The following EPB41L4A variants were observed in gnomAD, a reference collection of about 807,000 sequenced individuals.
The protein encoded by EPB41L4A is band 4.1-like protein 4A.
Under a neutral mutation model 108.6 loss-of-function variants are expected in EPB41L4A, and 100 were observed. That is an observed-to-expected ratio of 0.92 (90% CI 0.78 to 1.09). The LOEUF is 1.09. EPB41L4A is among the 50% of genes least tolerant of loss of function. The pLI, the probability that EPB41L4A is intolerant of heterozygous loss-of-function variation, is 0.00. For missense variants in EPB41L4A, 1,030 were observed against 842.7 expected, an observed-to-expected ratio of 1.22 and a Z score of -2.75; for synonymous variants, 319 against 289.0, an observed-to-expected ratio of 1.10 and a Z score of -1.05.
At position 112,243,857 on chromosome 5, in the gene EPB41L4A, A is replaced by C. The variant is rs77738375; in HGVS notation, c.796-3047T>G. On this transcript the variant is annotated intron_variant, in intron 9 of 22. Coordinates refer to ENST00000261486, the MANE Select transcript of EPB41L4A (RefSeq NM_022140.5). ...AGACTTTGGTTTAAGGAAATGCTGC[A>C]GCTTGTTGGATCTTCTATCCAGACC... Among the ~76,000 whole-genome samples, 2,111 of 152,342 alleles carry C rather than the reference A, an allele frequency of 0.014. 228 individuals carry two copies. The East Asian group carries it at 0.27, about 19-fold the overall frequency.
At chr5:112,233,159 T>C (rs1280396337) in intron 12 of EPB41L4A, among the ~76,000 whole-genome samples, 1 of 152,130 alleles carries the variant, frequency 6.6e-6, no homozygotes. Flanking sequence ...CTGTATATAA[T>C]GTTGGCAGGA....
intron 2 of EPB41L4A, among the ~76,000 whole-genome samples, chr5:112,301,472 T>G (rs1216899185): frequency 6.6e-6 from 1 of 152,064 alleles, no homozygotes; most frequent in Non-Finnish European, 1.5e-5. Flanking sequence ...GTACTAGGGG[T>G]TGTCTGCACA....
intron 12 of EPB41L4A, among the ~76,000 whole-genome samples, chr5:112,211,497 G>A (rs1050720229): frequency 6.6e-6 from 1 of 151,978 alleles, no homozygotes; most frequent in Non-Finnish European, 1.5e-5. Context: ...CAGGAGAATT[G>A]CTTGAACTGG....
Position 112,240,730 on chromosome 5 carries a change from A to G in EPB41L4A, c.876T>C (p.His292=). Residue 292 remains histidine (H), a synonymous_variant, in exon 10 of 23, where the codon CAT becomes CAC. Coordinates refer to ENST00000261486, the MANE Select transcript of EPB41L4A (RefSeq NM_022140.5). ...KHLWKCSVEH[H]TFFRMPENES... is the part of the protein sequence containing the mutation. ...TTACATCAATTTACCTAAAAAATGT[A>G]TGATGTTCCACACTGCACTTCCAGA... is the stretch of plus-strand genomic sequence containing the variant. 6.5e-7 allele frequency: 1 copy of G among 1,543,856 alleles called. No individual in the cohort carries two copies. The highest frequency in any genetic ancestry group is 1.4e-5 in the African/African-American group (1 of 70,570).
chr5:112,410,456 GC>G (rs1303360247), intron 1 of EPB41L4A, among the ~76,000 whole-genome samples: 2 of 152,236 alleles, frequency 1.3e-5, no homozygotes, highest in Admixed American at 6.5e-5. Context: ...ACTGAGAAGG[GC>G]CTGAAGTGCA....
downstream of EPB41L4A, chr5:112,161,558 CA>C (rs1308091185): frequency 1.9e-6 from 1 of 519,234 alleles, no homozygotes; most frequent in East Asian, 5.4e-5. Context: ...AAACGCTTTG[CA>C]GCCTTTTCCT....
intron 13 of EPB41L4A, among the ~76,000 whole-genome samples, chr5:112,208,670 A>G (rs999079837): frequency 3.9e-5 from 6 of 152,212 alleles, no homozygotes; most frequent in African/African-American, 1.4e-4. Flanking sequence ...CCTCAGTGAT[A>G]AACAATTTAC....
chr5:112,186,260 C>A (rs1761423245), intron 17 of EPB41L4A, among the ~76,000 whole-genome samples: 1 of 152,162 alleles, frequency 6.6e-6, no homozygotes, highest in African/African-American at 2.4e-5. Flanking sequence ...AAGCTGAGGC[C>A]TAACTTGGGC....
chr5:112,167,529 C>A (rs1050467241), intron 22 of EPB41L4A, among the ~76,000 whole-genome samples: 1 of 152,116 alleles, frequency 6.6e-6, no homozygotes, highest in African/African-American at 2.4e-5. Flanking sequence ...TCCCCAGGAA[C>A]TGCCCTCAGT....
rs562756943 is a variant in EPB41L4A, at chr5:112,361,028, A to G, written c.100-53538T>C. Among the ~76,000 whole-genome samples the G allele has an allele frequency of 1.2e-3, 176 of 152,352 alleles. 1 individual carries two copies. The highest frequency in any genetic ancestry group is 4.0e-3 in the African/African-American group (167 of 41,578). On this transcript the variant is annotated intron_variant, in intron 1 of 22. Transcript: ENST00000261486. ...GCCCTGTCTGAGAGGTGTACCCAAC[A>G]GCTCATTGAGAACGGGCCATGATGA...
intron 12 of EPB41L4A, among the ~76,000 whole-genome samples, chr5:112,229,837 A>G (rs1449864679): frequency 6.6e-6 from 1 of 151,912 alleles, no homozygotes; most frequent in Non-Finnish European, 1.5e-5. Context: ...AAATACAAAA[A>G]GTTAGCCAGG....
At chr5:112,284,998 T>C (rs1753193844) in intron 2 of EPB41L4A, among the ~76,000 whole-genome samples, 2 of 152,194 alleles carry the variant, frequency 1.3e-5, no homozygotes, top group African/African-American at 4.8e-5. Context: ...CTTCAAAAGA[T>C]ATATATTAAA....
intron 22 of EPB41L4A, among the ~76,000 whole-genome samples, chr5:112,166,627 C>T (rs1760265886): frequency 6.6e-6 from 1 of 152,214 alleles, no homozygotes; most frequent in South Asian, 2.1e-4. Flanking sequence ...TTTGTTGCTT[C>T]TCTAGCTCAG....
intron 7 of EPB41L4A, among the ~76,000 whole-genome samples, chr5:112,260,376 G>A (rs1306793417): frequency 6.6e-6 from 1 of 152,186 alleles, no homozygotes; most frequent in African/African-American, 2.4e-5. Context: ...TAATGAAGAG[G>A]CCAAAGTAGC....
At position 112,206,517 on chromosome 5, in the gene EPB41L4A, G is replaced by A. The variant is rs187553630; in HGVS notation, c.1179-1013C>T. Among the ~76,000 whole-genome samples, 230 of 152,212 alleles carry A rather than the reference G, an allele frequency of 1.5e-3. 1 individual carries two copies. The highest frequency in any genetic ancestry group is 2.8e-3 in the Non-Finnish European group (193 of 68,018). On this transcript the variant is annotated intron_variant, in intron 13 of 22. Transcript: ENST00000261486. ...TTTATAAAGGCTAAAAACCTCTACA[G>A]ATTCAATTCCCAAAGTAAAAGCTTA... is the stretch of plus-strand genomic sequence containing the variant.
At chr5:112,159,287 A>T (rs1759763568), downstream of EPB41L4A, among the ~76,000 whole-genome samples, 1 of 152,016 alleles carries the variant, frequency 6.6e-6, no homozygotes, top group South Asian at 2.1e-4. Context: ...TCTTTCTTTT[A>T]TAGAAGTAGG....
At chr5:112,194,243 A>AATCT (rs1761849058) in intron 17 of EPB41L4A, among the ~76,000 whole-genome samples, 1 of 152,148 alleles carries the variant, frequency 6.6e-6, no homozygotes, top group Non-Finnish European at 1.5e-5. Flanking sequence ...TTCAGGGAGA[A>AATCT]ATCTATCTAC....
intron 1 of EPB41L4A, among the ~76,000 whole-genome samples, chr5:112,413,702 G>A (rs1762540775): frequency 6.6e-6 from 1 of 152,180 alleles, no homozygotes; most frequent in Admixed American, 6.5e-5. Context: ...TTGATTCAAG[G>A]ATGCTTCCGA....
chr5:112,344,597 G>A (rs957325345), intron 1 of EPB41L4A, among the ~76,000 whole-genome samples: 6 of 152,184 alleles, frequency 3.9e-5, no homozygotes, highest in Non-Finnish European at 8.8e-5. Flanking sequence ...AGCTGTTTAC[G>A]AGATTATCCT....
Sources: gnomAD v4.1 joint callset for allele counts (sites outside exome capture counted in the v4.1 genomes callset) on GRCh38, gnomAD v4.1.1 for gene constraint, MANE v1.5 for transcripts, NCBI Gene and HGNC (gene_info 2026-07-23, HGNC 2026-07-21) for gene names.